SLC26A7: variants seen among roughly 807,000 people sequenced by gnomAD.
SLC26A7 encodes the protein anion exchange transporter.
Under a neutral mutation model 82.5 loss-of-function variants are expected in SLC26A7, and 59 were observed. The ratio of observed to expected loss-of-function variants is 0.72; its 90% CI spans 0.58 to 0.89. The LOEUF (loss-of-function observed/expected upper bound fraction) is 0.89, where lower values mean the gene tolerates loss of function less well. Among genes scored for constraint, SLC26A7 ranks in the 40% least tolerant of loss-of-function variants. The pLI, the probability that SLC26A7 is intolerant of heterozygous loss-of-function variation, is 0.00. For synonymous variants in SLC26A7, 271 were observed against 274.3 expected (o/e 0.99, Z 0.12); for missense variants, 820 against 793.0 (o/e 1.03, Z -0.41).
intron 3 of SLC26A7, among the ~76,000 whole-genome samples, chr8:91,292,212 G>A (rs1380637342): frequency 6.6e-6 from 1 of 151,954 alleles, no homozygotes; most frequent in Non-Finnish European, 1.5e-5. Flanking sequence ...GGCTGAGGCG[G>A]GGAGAATGGT....
At chr8:91,277,847 A>G (rs1400838883) in intron 2 of SLC26A7, among the ~76,000 whole-genome samples, 1 of 152,178 alleles carries the variant, frequency 6.6e-6, no homozygotes, top group Non-Finnish European at 1.5e-5. Context: ...AAACAATGCT[A>G]TCTTAGGCTT....
intron 2 of SLC26A7, among the ~76,000 whole-genome samples, chr8:91,228,053 C>T (rs2130670766): frequency 6.6e-6 from 1 of 152,340 alleles, no homozygotes; most frequent in East Asian, 1.9e-4. Context: ...CTCCAAATGG[C>T]ATGAAGCCTC....
chr8:91,349,904 T>C (rs1013997441), intron 9 of SLC26A7, among the ~76,000 whole-genome samples: 3 of 152,242 alleles, frequency 2.0e-5, no homozygotes, highest in Non-Finnish European at 2.9e-5. Context: ...TCCTGTGAGC[T>C]GCACTCTGAC....
intron 4 of SLC26A7, among the ~76,000 whole-genome samples, chr8:91,312,817 C>A (rs1413016780): frequency 1.3e-5 from 2 of 152,136 alleles, no homozygotes; most frequent in African/African-American, 4.8e-5. Context: ...TGTCTATACA[C>A]ATCCTTTGCC....
At chr8:91,279,137 A>ATATATATATATATATATG (rs1811492643) in intron 2 of SLC26A7, among the ~76,000 whole-genome samples, 6 of 100,390 alleles carry the variant, frequency 6.0e-5, no homozygotes, top group Non-Finnish European at 1.2e-4. Flanking sequence ...ATATATATAT[A>ATATATATATATATATATG]TATATATATA....
intron 2 of SLC26A7, among the ~76,000 whole-genome samples, chr8:91,256,026 T>C (rs1002182796): frequency 6.6e-6 from 1 of 152,090 alleles, no homozygotes; most frequent in African/African-American, 2.4e-5. Context: ...GTACAAATGA[T>C]TTAGGTGAGG....
intron 2 of SLC26A7, among the ~76,000 whole-genome samples, chr8:91,284,376 T>C (rs1422659131): frequency 1.4e-4 from 22 of 152,226 alleles, no homozygotes; most frequent in Admixed American, 1.4e-3. Context: ...GTCATCTTGA[T>C]ATTTTGCAAA....
At chr8:91,253,344 C>T (rs1810711075) in intron 2 of SLC26A7, among the ~76,000 whole-genome samples, 1 of 152,116 alleles carries the variant, frequency 6.6e-6, no homozygotes, top group South Asian at 2.1e-4. Context: ...ATACGACCAG[C>T]TGCCAGGTTC....
intron 4 of SLC26A7, among the ~76,000 whole-genome samples, chr8:91,303,164 C>T (rs958837405): frequency 1.6e-4 from 24 of 152,278 alleles, no homozygotes; most frequent in African/African-American, 5.8e-4. Flanking sequence ...AGCACACTCA[C>T]AGTAATGAAA....
chr8:91,345,334 G>C (rs558825497), intron 9 of SLC26A7, among the ~76,000 whole-genome samples: 1 of 152,288 alleles, frequency 6.6e-6, no homozygotes, highest in South Asian at 2.1e-4. Context: ...AACATAGTGA[G>C]TGGTTCAGCG....
chr8:91,301,577 AT>A (rs1812166198), intron 4 of SLC26A7, among the ~76,000 whole-genome samples: 1 of 151,884 alleles, frequency 6.6e-6, no homozygotes, highest in South Asian at 2.1e-4. Flanking sequence ...GATATTTTCT[AT>A]TTTTATATTT....
chr8:91,280,092 C>G (rs1034692239), intron 2 of SLC26A7, among the ~76,000 whole-genome samples: 1 of 152,140 alleles, frequency 6.6e-6, no homozygotes, highest in Non-Finnish European at 1.5e-5. Flanking sequence ...TGTGCAGAAG[C>G]TTTTTAGTTT....
At chr8:91,338,681 T>A (rs940236341) in intron 7 of SLC26A7, among the ~76,000 whole-genome samples, 101 of 152,166 alleles carry the variant, frequency 6.6e-4, no homozygotes, top group African/African-American at 2.1e-3. Context: ...AGAGTGGAAG[T>A]GGAGAAGAAG....
At chr8:91,223,816 A>G (rs1810197307) in intron 2 of SLC26A7, among the ~76,000 whole-genome samples, 1 of 151,982 alleles carries the variant, frequency 6.6e-6, no homozygotes, top group South Asian at 2.1e-4. Flanking sequence ...TACTCCAATC[A>G]ATCGTAGGTT....
intron 15 of SLC26A7, among the ~76,000 whole-genome samples, chr8:91,370,121 C>T (rs117917938): frequency 0.02 from 3,043 of 151,460 alleles, 42 homozygotes; most frequent in Non-Finnish European, 0.03. Context: ...CTGTCTTCTC[C>T]CTCTCTCCTT....
At position 91,379,780 on chromosome 8, in the gene SLC26A7, A is replaced by G. The variant is rs1397853033; in HGVS notation, c.1676-9558A>G. Among the ~76,000 whole-genome samples, 5 of 152,230 alleles carry G rather than the reference A, an allele frequency of 3.3e-5. No homozygotes were observed. In the East Asian group the frequency reaches 9.6e-4, roughly 29 times the overall value. ...ACAAGAAATATAAAGCATTAAGCAT[A>G]AAGAAAATGATTATTAAACTTCACT... On this transcript the variant is annotated intron_variant, in intron 15 of 18. Coordinates refer to ENST00000276609, the MANE Select transcript of SLC26A7 (RefSeq NM_052832.4).
chr8:91,394,987 A>T, intron 18 of SLC26A7, 75 bp from the exon 19 acceptor site: 1 of 1,508,634 alleles, frequency 6.6e-7, no homozygotes, highest in Non-Finnish European at 9.2e-7. Context: ...TTCAGTTACT[A>T]CTGTTCTTTT....
At chr8:91,328,010 C>T (rs1450186017) in intron 5 of SLC26A7, among the ~76,000 whole-genome samples, 1 of 151,916 alleles carries the variant, frequency 6.6e-6, no homozygotes, top group Non-Finnish European at 1.5e-5. Context: ...ACAACAAAAC[C>T]TAAACCAACC....
intron 11 of SLC26A7, among the ~76,000 whole-genome samples, chr8:91,354,086 G>T (rs1455447633): frequency 2.6e-5 from 4 of 152,058 alleles, no homozygotes; most frequent in African/African-American, 9.7e-5. Context: ...AGAACAAAAG[G>T]CCAAAATTAA....
Sources: allele counts gnomAD v4.1 joint callset (sites outside exome capture counted in the v4.1 genomes callset), GRCh38; gene constraint gnomAD v4.1.1; transcripts MANE v1.5; gene names NCBI Gene and HGNC (gene_info 2026-07-23, HGNC 2026-07-21).